Variants in SLC38A10 observed in about 807,000 individuals in gnomAD.
SLC38A10 encodes the protein solute carrier family 38 member 10.
Under a neutral mutation model 81.0 loss-of-function variants are expected in SLC38A10, and 53 were observed. The observed-to-expected ratio is 0.65, with a 90% CI of 0.53 to 0.82. The LOEUF is 0.82. Among genes scored for constraint, SLC38A10 ranks in the 40% least tolerant of loss-of-function variants. The pLI is 0.00. For missense variants in SLC38A10, 1,471 were observed against 1,545.0 expected, an observed-to-expected ratio of 0.95 and a Z score of 0.80; for synonymous variants, 665 against 655.3, an observed-to-expected ratio of 1.01 and a Z score of -0.23.
In SLC38A10 at chr17:81,276,175, A is replaced by G; in HGVS notation, c.730-24T>C. The G allele has an allele frequency of 6.3e-7, 1 of 1,586,378 alleles. No homozygotes were observed. Reference sequence around the variant, plus strand: ...ACCTGTTGGAGAATAAGAAATGGCAACGTGGCAGACAGACATCCTAGCCGA... The same window carrying G: ...ACCTGTTGGAGAATAAGAAATGGCAGCGTGGCAGACAGACATCCTAGCCGA... On this transcript the variant is annotated intron_variant, in intron 7 of 15. Transcript: ENST00000374759. This position sits in a 1 kb window ranked among gnomAD's most constrained non-coding sequence, Gnocchi z 4.7.
intron 1 of SLC38A10, among the ~76,000 whole-genome samples, chr17:81,293,161 T>G (rs1387942870): frequency 2.6e-5 from 4 of 152,220 alleles, no homozygotes; most frequent in African/African-American, 9.7e-5. Context: ...AGACTCCGTC[T>G]TGAAAAAACA....
At chr17:81,280,240 T>C (rs1002943400) in intron 6 of SLC38A10, 9 of 432,574 alleles carry the variant, frequency 2.1e-5, no homozygotes, top group Non-Finnish European at 4.2e-5. Context: ...AGTCAATGTT[T>C]GTGCCATTTC....
Position 81,295,121 on chromosome 17 carries a change from A to C in SLC38A10, c.-200T>G. 1 of 960,812 alleles carries C rather than the reference A, an allele frequency of 1.0e-6. No homozygotes were observed. The highest frequency in any genetic ancestry group is 1.3e-6 in the Non-Finnish European group (1 of 753,094). 59.5% of individuals were successfully genotyped at this position (960,812 alleles called of 1,614,324 possible). On this transcript the variant is annotated 5_prime_UTR_variant, in exon 1 of 16. Transcript: ENST00000374759. Reference sequence around the variant, plus strand: ...GGCTGCCTGGAGGAGGCAGCCTCGAAGGCCGGCTGCGGGGGCGAGGTCAAC... The same window carrying C: ...GGCTGCCTGGAGGAGGCAGCCTCGACGGCCGGCTGCGGGGGCGAGGTCAAC...
At position 81,289,716 on chromosome 17, in the gene SLC38A10, G is replaced by A. The variant is rs751718318; in HGVS notation, c.192C>T (p.Ser64=). ...CMFLVKSASL[S]KRRTYAGLAF... ...CCAGGCCGGCGTAGGTCCTCCGCTT[G>A]CTCAGGCTGGCCGACTTCACCAAGA... The change falls in exon 2 of 16, where the codon AGC becomes AGT. Residue 64 remains serine (S), a synonymous_variant. Coordinates refer to ENST00000374759, the MANE Select transcript of SLC38A10 (RefSeq NM_001037984.3). This position sits in a 1 kb window ranked among gnomAD's most constrained non-coding sequence, Gnocchi z 5.9. 6.2e-7 allele frequency: 1 copy of A among 1,611,124 alleles called. No individual in the cohort carries two copies. Among genetic ancestry groups the A allele is most frequent in the Non-Finnish European group, 8.5e-7 (1 of 1,179,684 alleles).
At chr17:81,294,185 C>A (rs1281624755) in intron 1 of SLC38A10, among the ~76,000 whole-genome samples, 1 of 152,132 alleles carries the variant, frequency 6.6e-6, no homozygotes. Flanking sequence ...CATGTGCCAC[C>A]ACCCCCGGCT....
chr17:81,282,319 A>G lies in SLC38A10; in HGVS notation c.371T>C (p.Phe124Ser), dbSNP rs781131585. 2 of 1,612,146 alleles carry G rather than the reference A, an allele frequency of 1.2e-6. No homozygotes were observed. Among genetic ancestry groups the G allele is most frequent in the South Asian group, 1.1e-5 (1 of 90,982 alleles). The change falls in exon 5 of 16, where the codon TTC becomes TCC. Residue 124 changes from phenylalanine to serine, a missense_variant. Physicochemically the swap from Phe to Ser is radical, Grantham distance 155 (BLOSUM62 -2). Coordinates refer to ENST00000374759, the MANE Select transcript of SLC38A10 (RefSeq NM_001037984.3). ...RLFGFQVGGT[F>S]RMFLLFAVSL... Reference sequence around the variant, plus strand: ...CACGGCGAACAGCAGGAACATGCGGAAGGTGCCGCCCACCTGCGGGGAGCC... The same window carrying G: ...CACGGCGAACAGCAGGAACATGCGGGAGGTGCCGCCCACCTGCGGGGAGCC...
chr17:81,249,580 A>G (rs955479316), intron 14 of SLC38A10, among the ~76,000 whole-genome samples: 1 of 121,050 alleles, frequency 8.3e-6, no homozygotes, highest in Admixed American at 8.1e-5. Context: ...GAGCCATGCC[A>G]CGTCCAGCCA....
intron 10 of SLC38A10, among the ~76,000 whole-genome samples, chr17:81,268,525 C>A (rs2063088955): frequency 6.6e-6 from 1 of 152,028 alleles, no homozygotes; most frequent in South Asian, 2.1e-4. Flanking sequence ...CCTGCCTCAG[C>A]CTCCCAAAGT....
At chr17:81,290,652 TG>T (rs1351918997) in intron 1 of SLC38A10, among the ~76,000 whole-genome samples, 1 of 152,272 alleles carries the variant, frequency 6.6e-6, no homozygotes, top group East Asian at 1.9e-4. Flanking sequence ...CTCTGGGGGA[TG>T]AAGCTGTGTG....
chr17:81,251,696 G>A, intron 13 of SLC38A10, 84 bp from the exon 14 acceptor site: 1 of 1,377,680 alleles, frequency 7.3e-7, no homozygotes, highest in Non-Finnish European at 9.4e-7. Flanking sequence ...GGCAAGGGCG[G>A]GACAAAAGGA....
chr17:81,294,853 A>G lies in SLC38A10; in HGVS notation c.69T>C (p.Ser23=). The G allele has an allele frequency of 6.3e-7, 1 of 1,599,180 alleles. No homozygotes were observed. Reference sequence around the variant, plus strand: ...TGAAGCAGAAGGGCATGGTGAGGACACTGACCCCTACGATGCTGTTCACGA... The same window carrying G: ...TGAAGCAGAAGGGCATGGTGAGGACGCTGACCCCTACGATGCTGTTCACGA... The part of the protein sequence containing the change: ...TNIVNSIVGV[S]VLTMPFCFKQ... The change falls in exon 1 of 16, where the codon AGT becomes AGC. Residue 23 remains serine, a synonymous_variant. Transcript: ENST00000374759.
chr17:81,264,030 G>C, intron 10 of SLC38A10: 1 of 152,310 alleles, frequency 6.6e-6, no homozygotes, highest in East Asian at 1.9e-4. Flanking sequence ...CCGAGGACAG[G>C]GTGGGTGCCA....
At chr17:81,271,120 C>A in intron 9 of SLC38A10, 96 bp from the exon 10 acceptor site, 1 of 1,022,616 alleles carries the variant, frequency 9.8e-7, no homozygotes, top group Non-Finnish European at 1.5e-6. Flanking sequence ...AGCAAGCCAG[C>A]ATTGAAGGAA....
At chr17:81,255,611 C>G (rs539080562) in intron 11 of SLC38A10, among the ~76,000 whole-genome samples, 14 of 152,188 alleles carry the variant, frequency 9.2e-5, no homozygotes, top group African/African-American at 3.1e-4. Flanking sequence ...GAGGCGGCCA[C>G]GGCCAAGGGG....
At chr17:81,254,218 T>C (rs902781032) in intron 11 of SLC38A10, among the ~76,000 whole-genome samples, 1 of 152,214 alleles carries the variant, frequency 6.6e-6, no homozygotes, top group African/African-American at 2.4e-5. Flanking sequence ...GAGCAGCAGA[T>C]GGGGCCTCAC....
rs2063250980 is a variant in SLC38A10 at position 81,285,038 on chromosome 17, C to T, written c.218-143G>A. ...CGGGGCATGAGGGGTATTTCAAATT[C>T]TGGCTGCCAGGTTATTTTTGGATCT... On this transcript the variant is annotated intron_variant, in intron 2 of 15. Coordinates refer to ENST00000374759, the MANE Select transcript of SLC38A10 (RefSeq NM_001037984.3). The T allele has an allele frequency of 1.7e-5, 10 of 585,410 alleles. 1 individual carries two copies. The South Asian group carries it at 3.3e-4, about 19-fold the overall frequency. The allele number at this position is 585,410 out of a possible 1,614,324, so 36.3% of individuals were successfully genotyped here.
rs923088452 is a variant in SLC38A10 at position 81,282,481 on chromosome 17, G to A, written c.358-149C>T. 1.0e-5 allele frequency: 11 copies of A among 1,088,404 alleles called. No homozygotes were observed. The East Asian group carries it at 1.0e-4, about 10-fold the overall frequency. 67.4% of individuals were successfully genotyped at this position (1,088,404 alleles called of 1,614,324 possible). On this transcript the variant is annotated intron_variant, in intron 4 of 15. Transcript: ENST00000374759. The stretch of plus-strand genomic sequence containing the variant: ...CGGCGGGTCTGAGGCTGGCACACTC[G>A]CCCGAAGCCGCTCTCACAGCCACTG...
At chr17:81,247,890 T>C (rs779355054) in intron 14 of SLC38A10, among the ~76,000 whole-genome samples, 2 of 150,378 alleles carry the variant, frequency 1.3e-5, no homozygotes, top group Non-Finnish European at 3.0e-5. Context: ...TTGAAAAGAA[T>C]ATTGGTACTT....
intron 14 of SLC38A10, among the ~76,000 whole-genome samples, chr17:81,250,276 A>G (rs545382213): frequency 6.6e-6 from 1 of 152,362 alleles, no homozygotes; most frequent in South Asian, 2.1e-4. Flanking sequence ...GAACTCCTGA[A>G]GTGGCTCAGA....
Sources: gnomAD v4.1 joint callset for allele counts (sites outside exome capture counted in the v4.1 genomes callset) on GRCh38, gnomAD v4.1.1 for gene constraint, Gnocchi (gnomAD v3.1) non-coding constraint, MANE v1.5 for transcripts, NCBI Gene and HGNC (gene_info 2026-07-23, HGNC 2026-07-21) for gene names.